Variants in TRIM44 observed in about 807,000 individuals in gnomAD.
TRIM44 encodes the protein tripartite motif-containing protein 44.
TRIM44 carries 13 observed loss-of-function variants against 37.4 expected under a neutral mutation model. The ratio of observed to expected loss-of-function variants is 0.35; its 90% confidence interval spans 0.23 to 0.55. TRIM44 has a LOEUF of 0.55. Ranked by LOEUF, TRIM44 falls within the 20% of genes least tolerant of loss-of-function variation. The probability of loss-of-function intolerance (pLI) is 0.89; values close to 1 mark genes in which losing one functional copy is unlikely to be tolerated. For synonymous variants in TRIM44, 175 were observed against 157.2 expected (o/e 1.11, Z -0.85); for missense variants, 426 against 437.2 (o/e 0.97, Z 0.23).
chr11:35,688,511 A>C (rs1028892532), intron 2 of TRIM44, among the ~76,000 whole-genome samples: 1 of 152,206 alleles, frequency 6.6e-6, no homozygotes, highest in African/African-American at 2.4e-5. Context: ...ACATTTTTCT[A>C]TGTAGTACCT....
intron 4 of TRIM44, among the ~76,000 whole-genome samples, chr11:35,743,147 G>C (rs1012892067): frequency 6.6e-6 from 1 of 152,154 alleles, no homozygotes; most frequent in African/African-American, 2.4e-5. Context: ...TAAGCAAAGA[G>C]GTAAGTAGGA....
chr11:35,778,090 C>T (rs1852998682), intron 4 of TRIM44, among the ~76,000 whole-genome samples: 1 of 152,194 alleles, frequency 6.6e-6, no homozygotes, highest in Non-Finnish European at 1.5e-5. Flanking sequence ...CTTTGAGGTA[C>T]ACCAATCAGA....
intron 4 of TRIM44, among the ~76,000 whole-genome samples, chr11:35,757,181 C>T (rs1057101271): frequency 1.3e-5 from 2 of 152,152 alleles, no homozygotes; most frequent in African/African-American, 2.4e-5. Context: ...AATTTTAGAG[C>T]TTGTTATTGG....
At chr11:35,706,724 A>G (rs1335170865) in intron 2 of TRIM44, among the ~76,000 whole-genome samples, 1 of 152,000 alleles carries the variant, frequency 6.6e-6, no homozygotes, top group Non-Finnish European at 1.5e-5. Context: ...CCTTCATGCT[A>G]AAAACTCTCA....
intron 4 of TRIM44, among the ~76,000 whole-genome samples, chr11:35,766,364 C>T (rs1021676011): frequency 6.6e-6 from 1 of 152,140 alleles, no homozygotes; most frequent in Non-Finnish European, 1.5e-5. Flanking sequence ...TTATATAGGG[C>T]TTCTCCTCCC....
At chr11:35,706,738 A>C (rs1426332315) in intron 2 of TRIM44, among the ~76,000 whole-genome samples, 1 of 151,886 alleles carries the variant, frequency 6.6e-6, no homozygotes, top group East Asian at 1.9e-4. Context: ...ACTCTCAATA[A>C]ATTAGGTATT....
At chr11:35,719,842 A>C (rs962938109) in intron 2 of TRIM44, among the ~76,000 whole-genome samples, 1 of 152,124 alleles carries the variant, frequency 6.6e-6, no homozygotes, top group Admixed American at 6.5e-5. Context: ...TCCTTTGTCA[A>C]AGATCAGTTG....
At chr11:35,746,155 C>G (rs2135527291) in intron 4 of TRIM44, among the ~76,000 whole-genome samples, 1 of 152,264 alleles carries the variant, frequency 6.6e-6, no homozygotes, top group East Asian at 1.9e-4. Flanking sequence ...CTAGCTGCAG[C>G]CTAATTCTCT....
chr11:35,792,398 T>C (rs1017875812), intron 4 of TRIM44, among the ~76,000 whole-genome samples: 9 of 152,352 alleles, frequency 5.9e-5, no homozygotes, highest in Middle Eastern at 3.4e-3. Context: ...GTTACACAGC[T>C]CAGAGCTGAA....
At chr11:35,804,864 G>A (rs1361974334) in intron 4 of TRIM44, among the ~76,000 whole-genome samples, 4 of 152,324 alleles carry the variant, frequency 2.6e-5, no homozygotes, top group Non-Finnish European at 4.4e-5. Context: ...TAACTTGCAG[G>A]ACCTGTTTCT....
intron 2 of TRIM44, among the ~76,000 whole-genome samples, chr11:35,692,663 G>A (rs894844024): frequency 6.6e-6 from 1 of 152,128 alleles, no homozygotes; most frequent in Non-Finnish European, 1.5e-5. Flanking sequence ...GGTGGCTCAC[G>A]CCTGTAATCC....
chr11:35,752,204 G>A (rs980113276), intron 4 of TRIM44, among the ~76,000 whole-genome samples: 2 of 149,504 alleles, frequency 1.3e-5, no homozygotes, highest in Non-Finnish European at 3.0e-5. Flanking sequence ...TGTCAGATTT[G>A]TCCTAAGTAT....
intron 1 of TRIM44, among the ~76,000 whole-genome samples, chr11:35,668,034 T>G (rs966541929): frequency 6.6e-6 from 1 of 152,234 alleles, no homozygotes; most frequent in African/African-American, 2.4e-5. Context: ...TGGAAGTATT[T>G]GTGAAAGATT....
intron 2 of TRIM44, among the ~76,000 whole-genome samples, chr11:35,723,400 A>G (rs775114373): frequency 6.6e-6 from 1 of 152,256 alleles, no homozygotes; most frequent in Non-Finnish European, 1.5e-5. Context: ...TAATGCAACT[A>G]TAACAAAGAT....
chr11:35,786,531 C>T (rs1288067098), intron 4 of TRIM44, among the ~76,000 whole-genome samples: 4 of 152,180 alleles, frequency 2.6e-5, no homozygotes, highest in South Asian at 2.1e-4. Context: ...TGGCAAGATT[C>T]ACAGTCCCAC....
chr11:35,797,642 G>A (rs576619354), intron 4 of TRIM44, among the ~76,000 whole-genome samples: 1 of 152,282 alleles, frequency 6.6e-6, no homozygotes, highest in South Asian at 2.1e-4. Context: ...ATAACCATGG[G>A]CTAATTGTGA....
In TRIM44 at chr11:35,806,207, G is replaced by C. The variant is rs1853446659; in HGVS notation, c.1008-151G>C. The C allele has an allele frequency of 6.7e-6, 5 of 746,620 alleles. No homozygotes were observed. In the East Asian group the frequency reaches 1.3e-4, roughly 19 times the overall value. The allele number at this position is 746,620 out of a possible 1,614,324, so 46.2% of individuals were successfully genotyped here. ...AGAAATCAGAATTTAGAGAAACGAA[G>C]TAACTTGCCTTTGGCCATATTGCTC... On this transcript the variant is annotated intron_variant, in intron 4 of 4. Transcript: ENST00000299413.
In TRIM44 at chr11:35,810,220, T is replaced by C. The variant is rs140773074; in HGVS notation, c.*3835T>C. ...CACAAATGCAGAATTCATGACCTTGTAGTTGTGGCAGGGTCTAGGAAGTCC... is the reference window on the plus strand; with the variant it reads ...CACAAATGCAGAATTCATGACCTTGCAGTTGTGGCAGGGTCTAGGAAGTCC... On this transcript the variant is annotated 3_prime_UTR_variant, in exon 5 of 5. Coordinates refer to ENST00000299413, the MANE Select transcript of TRIM44 (RefSeq NM_017583.6). The C allele has an allele frequency of 3.0e-4, 46 of 152,258 alleles. No individual in the cohort carries two copies. The highest frequency in any genetic ancestry group is 1.1e-3 in the African/African-American group (45 of 41,548). 9.4% of individuals were successfully genotyped at this position (152,258 alleles called of 1,614,324 possible).
chr11:35,702,502 C>T lies in TRIM44; in HGVS notation c.747+17166C>T, dbSNP rs534691023. Among the ~76,000 whole-genome samples the T allele has an allele frequency of 9.4e-4, 143 of 152,256 alleles. 1 individual carries two copies. The highest frequency in any genetic ancestry group is 3.2e-3 in the African/African-American group (131 of 41,548). On this transcript the variant is annotated intron_variant, in intron 2 of 4. Transcript: ENST00000299413. ...GACATTTTTGTGTTTAAAAGGAGAA[C>T]GCATCTTTATTGAGCGCCAGCTGTG... is the stretch of plus-strand genomic sequence containing the variant.
Sources: gnomAD v4.1 joint callset for allele counts (sites outside exome capture counted in the v4.1 genomes callset) on GRCh38, gnomAD v4.1.1 for gene constraint, MANE v1.5 for transcripts, NCBI Gene and HGNC (gene_info 2026-07-23, HGNC 2026-07-21) for gene names.